Variants in NRG3 observed in about 807,000 individuals in gnomAD.
The protein encoded by NRG3 is neuregulin 3.
Under a neutral mutation model 66.9 loss-of-function variants are expected in NRG3, and 31 were observed. The ratio of observed to expected loss-of-function variants is 0.46; its 90% CI spans 0.35 to 0.63. The LOEUF is 0.63. Among genes scored for constraint, NRG3 ranks in the 20% least tolerant of loss-of-function variants. The pLI, the probability that NRG3 is intolerant of heterozygous loss-of-function variation, is 0.00. For synonymous variants in NRG3, 393 were observed against 359.4 expected (o/e 1.09, Z -1.06); for missense variants, 910 against 878.9 (o/e 1.04, Z -0.45).
chr10:82,250,564 G>A (rs533682594), intron 1 of NRG3, among the ~76,000 whole-genome samples: 3 of 152,164 alleles, frequency 2.0e-5, no homozygotes, highest in Admixed American at 6.5e-5. Flanking sequence ...CTCCAGCTTG[G>A]GCAACAAGAG....
rs1336301 is a variant in NRG3 at position 82,242,963 on chromosome 10, G to T, written c.824-115776G>T. Among the ~76,000 whole-genome samples the T allele has an allele frequency of 5.1e-3, 777 of 152,196 alleles. 9 individuals are homozygous for T. The highest frequency in any genetic ancestry group is 0.018 in the African/African-American group (752 of 41,522). ...GAAAGTGTTAAGGACTTCCCGTTAG[G>T]GCTCGTGCTTAAGCCTCAGGTTGAA... On this transcript the variant is annotated intron_variant, in intron 1 of 8. Coordinates refer to ENST00000372141, the MANE Select transcript of NRG3 (RefSeq NM_001010848.4).
chr10:82,310,609 C>T (rs909118328), intron 1 of NRG3, among the ~76,000 whole-genome samples: 2 of 151,942 alleles, frequency 1.3e-5, no homozygotes, highest in Admixed American at 1.3e-4. Context: ...GTGAAAGGGC[C>T]GTAAGGGTAG....
At chr10:82,580,901 TTGTG>T (rs56906298) in intron 2 of NRG3, among the ~76,000 whole-genome samples, 65,154 of 147,096 alleles carry the variant, frequency 0.44, 16,060 homozygotes, top group African/African-American at 0.7. Flanking sequence ...GTTTGTAAGT[TTGTG>T]TGTGTGTGTG....
At chr10:82,573,614 C>A (rs2045868850) in intron 2 of NRG3, among the ~76,000 whole-genome samples, 1 of 151,704 alleles carries the variant, frequency 6.6e-6, no homozygotes, top group Admixed American at 6.6e-5. Context: ...CATCAGTTAC[C>A]ATTTGCTGTG....
chr10:82,802,425 G>T (rs2061082103), intron 3 of NRG3, among the ~76,000 whole-genome samples: 1 of 152,048 alleles, frequency 6.6e-6, no homozygotes, highest in South Asian at 2.1e-4. Flanking sequence ...CTGATCAAGG[G>T]GGTCAAATTG....
chr10:82,510,161 G>T (rs1003870048), intron 2 of NRG3, among the ~76,000 whole-genome samples: 1 of 151,870 alleles, frequency 6.6e-6, no homozygotes, highest in East Asian at 1.9e-4. Context: ...GCTTCCCTTG[G>T]TCTCTGTACA....
chr10:82,176,928 G>T (rs1336245047), intron 1 of NRG3, among the ~76,000 whole-genome samples: 2 of 133,730 alleles, frequency 1.5e-5, no homozygotes, highest in African/African-American at 5.6e-5. Flanking sequence ...CACTCGGAGG[G>T]TTTTTGGAGT....
intron 2 of NRG3, among the ~76,000 whole-genome samples, chr10:82,450,224 GC>G (rs1344499297): frequency 6.6e-6 from 1 of 152,112 alleles, no homozygotes; most frequent in East Asian, 1.9e-4. Flanking sequence ...ACCCCCATGG[GC>G]CTCTCTTTGG....
intron 2 of NRG3, among the ~76,000 whole-genome samples, chr10:82,669,353 T>C (rs185938837): frequency 2.0e-5 from 3 of 151,820 alleles, no homozygotes; most frequent in African/African-American, 7.2e-5. Context: ...TAAGGTGCTT[T>C]GGGGCAATGC....
chr10:82,774,172 G>A (rs1337738204), intron 3 of NRG3, among the ~76,000 whole-genome samples: 1 of 152,098 alleles, frequency 6.6e-6, no homozygotes, highest in Non-Finnish European at 1.5e-5. Flanking sequence ...TGCTGAATTA[G>A]TTTTGCTAGT....
intron 2 of NRG3, among the ~76,000 whole-genome samples, chr10:82,361,403 C>T (rs943667437): frequency 5.3e-5 from 8 of 152,170 alleles, no homozygotes; most frequent in Non-Finnish European, 1.0e-4. Flanking sequence ...GAATAAATCA[C>T]ACATCACATG....
intron 3 of NRG3, among the ~76,000 whole-genome samples, chr10:82,784,231 G>A (rs1406256018): frequency 1.1e-4 from 17 of 152,066 alleles, no homozygotes; most frequent in South Asian, 6.2e-4. Context: ...AGACTTAAAC[G>A]TTAGACCTAA....
At chr10:82,831,907 C>A (rs551273281) in intron 3 of NRG3, among the ~76,000 whole-genome samples, 1 of 152,226 alleles carries the variant, frequency 6.6e-6, no homozygotes, top group African/African-American at 2.4e-5. Flanking sequence ...CACCCACCCC[C>A]CCAACTACCT....
At chr10:82,191,083 T>C (rs984682555) in intron 1 of NRG3, among the ~76,000 whole-genome samples, 3 of 152,100 alleles carry the variant, frequency 2.0e-5, no homozygotes, top group African/African-American at 2.4e-5. Flanking sequence ...CTTTGCTTGG[T>C]TAAAGCAGGA....
intron 2 of NRG3, among the ~76,000 whole-genome samples, chr10:82,538,438 A>C (rs553419042): frequency 5.3e-5 from 8 of 152,350 alleles, no homozygotes; most frequent in Non-Finnish European, 1.2e-4. Flanking sequence ...TCAGTAATTA[A>C]GACCAGAGTT....
intron 1 of NRG3, among the ~76,000 whole-genome samples, chr10:82,282,647 G>A (rs2079186082): frequency 6.6e-6 from 1 of 152,174 alleles, no homozygotes; most frequent in African/African-American, 2.4e-5. Flanking sequence ...TGTTTCACAA[G>A]GTTGTTGTGA....
intron 2 of NRG3, among the ~76,000 whole-genome samples, chr10:82,690,276 CTT>C (rs10609013): frequency 0.54 from 78,889 of 146,652 alleles, 23,570 homozygotes; most frequent in Non-Finnish European, 0.66. Context: ...GAATTGGCCA[CTT>C]TTTTTTTTTT....
intron 3 of NRG3, among the ~76,000 whole-genome samples, chr10:82,783,717 C>G (rs1051112908): frequency 2.0e-5 from 3 of 152,230 alleles, no homozygotes; most frequent in South Asian, 2.1e-4. Flanking sequence ...AGGATACAAA[C>G]AAATGGAAGA....
chr10:81,970,020 T>C (rs2059872409), intron 1 of NRG3, among the ~76,000 whole-genome samples: 1 of 152,174 alleles, frequency 6.6e-6, no homozygotes, highest in Non-Finnish European at 1.5e-5. Flanking sequence ...GTAAGACATA[T>C]AGTAGATTCT....
Sources: gnomAD v4.1 joint callset for allele counts (sites outside exome capture counted in the v4.1 genomes callset) on GRCh38, gnomAD v4.1.1 for gene constraint, MANE v1.5 for transcripts, NCBI Gene and HGNC (gene_info 2026-07-23, HGNC 2026-07-21) for gene names.